The following SNX10 variants were observed in gnomAD, a reference collection of about 807,000 sequenced individuals.
SNX10 encodes sorting nexin 10.
SNX10 carries 25 observed loss-of-function variants against 28.5 expected under a neutral mutation model. The ratio of observed to expected loss-of-function variants is 0.88; its 90% CI spans 0.64 to 1.22. The LOEUF (loss-of-function observed/expected upper bound fraction) is 1.22, where lower values mean the gene tolerates loss of function less well. Ranked by LOEUF, SNX10 falls within the 50% of genes most tolerant of loss-of-function variation. The probability of loss-of-function intolerance (pLI) is 0.00; values close to 1 mark genes in which losing one functional copy is unlikely to be tolerated. For synonymous variants in SNX10, 62 were observed against 81.4 expected, an observed-to-expected ratio of 0.76 and a Z score of 1.28; for missense variants, 223 against 242.6, an observed-to-expected ratio of 0.92 and a Z score of 0.54.
chr7:26,317,725 C>T (rs13227726), intron 1 of SNX10, among the ~76,000 whole-genome samples: 7,776 of 147,764 alleles, frequency 0.053, 268 homozygotes, highest in East Asian at 0.21. Context: ...TGCAGTGGCA[C>T]GATCTCGGCT....
At chr7:26,344,706 C>T (rs1343465723) in intron 1 of SNX10, among the ~76,000 whole-genome samples, 1 of 152,210 alleles carries the variant, frequency 6.6e-6, no homozygotes, top group Non-Finnish European at 1.5e-5. Flanking sequence ...GCACCTCAGC[C>T]CATGGCACAT....
chr7:26,316,139 G>A (rs1476734688), intron 1 of SNX10, among the ~76,000 whole-genome samples: 2 of 147,034 alleles, frequency 1.4e-5, no homozygotes, highest in East Asian at 2.0e-4. Context: ...AGCCGAGATC[G>A]CACCACTGCA....
At chr7:26,296,506 AC>A (rs759428078) in intron 1 of SNX10, among the ~76,000 whole-genome samples, 1 of 152,148 alleles carries the variant, frequency 6.6e-6, no homozygotes, top group South Asian at 2.1e-4. Context: ...ACACAGTGAG[AC>A]CCCAACTCTA....
At chr7:26,324,832 C>T (rs1211420920) in intron 1 of SNX10, among the ~76,000 whole-genome samples, 1 of 152,010 alleles carries the variant, frequency 6.6e-6, no homozygotes. Context: ...TTTCAAATTT[C>T]CTGAATTATA....
At chr7:26,358,726 C>T (rs954074951) in intron 2 of SNX10, among the ~76,000 whole-genome samples, 3 of 150,288 alleles carry the variant, frequency 2.0e-5, no homozygotes, top group Admixed American at 2.0e-4. Context: ...GTCTGGGTGA[C>T]AGAGTGAGAC....
chr7:26,364,975 C>A lies in SNX10; in HGVS notation c.213-72C>A, dbSNP rs1789230428. ...AATCATCATACATAATTTGCCTTCA[C>A]TTTGAGGGATTTCTGTAACAGAAGC... On this transcript the variant is annotated intron_variant, in intron 4 of 6. Coordinates refer to ENST00000338523, the MANE Select transcript of SNX10 (RefSeq NM_013322.3). This position sits in a 1 kb window ranked among gnomAD's most constrained non-coding sequence, Gnocchi z 4.9. 2.2e-6 allele frequency: 2 copies of A among 918,390 alleles called. No homozygotes were observed. Among genetic ancestry groups the A allele is most frequent in the South Asian group, 2.8e-5 (2 of 72,284 alleles). 56.9% of individuals were successfully genotyped at this position (918,390 alleles called of 1,614,324 possible). A position where few individuals can be genotyped will look rare whatever the true frequency, so the allele number is the denominator to read the frequency against.
intron 1 of SNX10, among the ~76,000 whole-genome samples, chr7:26,301,110 A>G (rs1158775745): frequency 6.7e-6 from 1 of 149,992 alleles, no homozygotes; most frequent in East Asian, 2.0e-4. Flanking sequence ...TTACTTCATC[A>G]TTGGTATTCA....
chr7:26,363,714 C>T (rs1789176896), intron 3 of SNX10, among the ~76,000 whole-genome samples: 1 of 152,282 alleles, frequency 6.6e-6, no homozygotes, highest in South Asian at 2.1e-4. Context: ...GGGACACCAT[C>T]GGTGGCTTTT....
intron 1 of SNX10, among the ~76,000 whole-genome samples, chr7:26,335,837 G>A (rs1471237219): frequency 7.2e-6 from 1 of 139,376 alleles, no homozygotes; most frequent in Non-Finnish European, 1.5e-5. Flanking sequence ...TCCGCCTTCC[G>A]GGTTCACGCC....
intron 5 of SNX10, among the ~76,000 whole-genome samples, chr7:26,367,030 GTTT>G (rs374638783): frequency 6.6e-6 from 1 of 151,830 alleles, no homozygotes; most frequent in East Asian, 1.9e-4. Context: ...ATGGTTCCTG[GTTT>G]TTTTTCTAGC....
intron 2 of SNX10, among the ~76,000 whole-genome samples, chr7:26,353,292 A>G (rs1237792315): frequency 6.6e-6 from 1 of 152,214 alleles, no homozygotes; most frequent in East Asian, 1.9e-4. Flanking sequence ...TAGGAAATAA[A>G]GAAAGGTTGC....
At chr7:26,325,329 T>TATATATATATATATC (rs1345177484) in intron 1 of SNX10, among the ~76,000 whole-genome samples, 1 of 14,970 alleles carries the variant, frequency 6.7e-5, no homozygotes, top group Non-Finnish European at 2.9e-4. Context: ...ATATATATAT[T>TATATATATATATATC]TGAGATGGAG....
At chr7:26,348,561 G>C (rs987516332) in intron 2 of SNX10, among the ~76,000 whole-genome samples, 1 of 152,232 alleles carries the variant, frequency 6.6e-6, no homozygotes, top group Non-Finnish European at 1.5e-5. Context: ...TCCTCCCAAA[G>C]GAGCCATGGG....
At chr7:26,306,102 C>T (rs1235573021) in intron 1 of SNX10, among the ~76,000 whole-genome samples, 5 of 151,512 alleles carry the variant, frequency 3.3e-5, no homozygotes, top group South Asian at 2.1e-4. Flanking sequence ...CGGGTTTTCG[C>T]CAGGTTGGCC....
intron 3 of SNX10, among the ~76,000 whole-genome samples, chr7:26,362,152 T>C (rs542861198): frequency 6.6e-6 from 1 of 152,380 alleles, no homozygotes; most frequent in South Asian, 2.1e-4. Flanking sequence ...AGAACTGCTT[T>C]TTTGATTGTG....
rs369603834 is a variant in SNX10, at chr7:26,323,751, A to G, written c.-23-22669A>G. ...AAGACTGCAGAGTCATTAGGAGACT[A>G]TCTTAGCAGTCTGGCTGATGCATGG... On this transcript the variant is annotated intron_variant, in intron 1 of 6. Transcript: ENST00000338523. Among the ~76,000 whole-genome samples the G allele has an allele frequency of 1.1e-4, 16 of 152,310 alleles. No individual in the cohort carries two copies. In the South Asian group the frequency reaches 3.3e-3, roughly 32 times the overall value.
intron 1 of SNX10, among the ~76,000 whole-genome samples, chr7:26,324,049 A>G (rs1373550488): frequency 6.6e-6 from 1 of 152,182 alleles, no homozygotes; most frequent in East Asian, 1.9e-4. Flanking sequence ...TTTCTCTTGA[A>G]GTTTATATAC....
intron 1 of SNX10, among the ~76,000 whole-genome samples, chr7:26,322,039 C>T (rs1584114609): frequency 6.6e-6 from 1 of 152,218 alleles, no homozygotes; most frequent in Admixed American, 6.5e-5. Flanking sequence ...CCCATGATGG[C>T]AGACATCACT....
At chr7:26,303,338 C>T (rs1786451585) in intron 1 of SNX10, among the ~76,000 whole-genome samples, 1 of 152,204 alleles carries the variant, frequency 6.6e-6, no homozygotes, top group Non-Finnish European at 1.5e-5. Context: ...GCTGCACTTT[C>T]ACTCCTCTCC....
Sources: gnomAD v4.1 joint callset for allele counts (sites outside exome capture counted in the v4.1 genomes callset) on GRCh38, gnomAD v4.1.1 for gene constraint, Gnocchi (gnomAD v3.1) non-coding constraint, MANE v1.5 for transcripts, NCBI Gene and HGNC (gene_info 2026-07-23, HGNC 2026-07-21) for gene names.